The following ANKDD1B variants were observed in gnomAD, a reference collection of about 807,000 sequenced individuals.
The protein encoded by ANKDD1B is ankyrin repeat and death domain containing 1B, also known as ankyrin repeat and death domain-containing protein 1B.
A neutral mutation model predicts 59.7 loss-of-function variants in ANKDD1B; 57 were observed. The ratio of observed to expected loss-of-function variants is 0.95; its 90% CI spans 0.77 to 1.19. The LOEUF is 1.19. Among genes scored for constraint, ANKDD1B ranks in the 50% most tolerant of loss-of-function variants. The pLI is 0.00. For synonymous variants in ANKDD1B, 216 were observed against 239.5 expected (o/e 0.90, Z 0.91); for missense variants, 602 against 641.9 (o/e 0.94, Z 0.67).
rs1043760593 is a variant in ANKDD1B, at chr5:75,666,708, A to G, written c.1192-84A>G. 57 of 997,366 alleles carry G rather than the reference A, an allele frequency of 5.7e-5. No homozygotes were observed. In the Admixed American group the frequency reaches 9.5e-4, roughly 17 times the overall value. 61.8% of individuals were successfully genotyped at this position (997,366 alleles called of 1,614,324 possible). On this transcript the variant is annotated intron_variant, in intron 11 of 13. Transcript: ENST00000601380. ...AGTCTCGGTTACCACCTTACTAGTT[A>G]TGTTTGAAAAACATATATACTCTGA...
At chr5:75,631,800 T>C (rs1157933541) in intron 5 of ANKDD1B, among the ~76,000 whole-genome samples, 1 of 152,120 alleles carries the variant, frequency 6.6e-6, no homozygotes, top group Non-Finnish European at 1.5e-5. Flanking sequence ...AATGTTTAGT[T>C]GAACCTTAAA....
chr5:75,664,796 A>C (rs1003120568), intron 11 of ANKDD1B, among the ~76,000 whole-genome samples: 1 of 152,232 alleles, frequency 6.6e-6, no homozygotes, highest in African/African-American at 2.4e-5. Flanking sequence ...CATATATAAA[A>C]CATGAATATA....
intron 11 of ANKDD1B, among the ~76,000 whole-genome samples, chr5:75,665,624 C>T (rs1377760508): frequency 3.3e-5 from 5 of 152,310 alleles, no homozygotes; most frequent in South Asian, 2.1e-4. Flanking sequence ...GTAATTCACA[C>T]CTCCCATTCC....
At chr5:75,620,877 C>G (rs950465438) in intron 3 of ANKDD1B, among the ~76,000 whole-genome samples, 2 of 152,212 alleles carry the variant, frequency 1.3e-5, no homozygotes, top group African/African-American at 4.8e-5. Flanking sequence ...ATCAGCTCCC[C>G]TACATTTTCT....
At chr5:75,650,883 G>T (rs568088474) in intron 7 of ANKDD1B, among the ~76,000 whole-genome samples, 10 of 152,198 alleles carry the variant, frequency 6.6e-5, no homozygotes, top group Non-Finnish European at 1.5e-4. Context: ...TTGGAAGTCA[G>T]CCAGGATTTT....
chr5:75,637,035 T>C (rs1167099569), intron 7 of ANKDD1B, among the ~76,000 whole-genome samples: 1 of 150,930 alleles, frequency 6.6e-6, no homozygotes, highest in Admixed American at 6.6e-5. Flanking sequence ...TCATCTGAGG[T>C]CAGGAGTTTG....
Position 75,671,676 on chromosome 5 carries a change from A to G in ANKDD1B, c.*636A>G, listed in dbSNP as rs1775489434. The G allele has an allele frequency of 6.6e-6, 1 of 150,606 alleles. No individual in the cohort carries two copies. Among genetic ancestry groups the G allele is most frequent in the African/African-American group, 2.5e-5 (1 of 40,494 alleles). 9.3% of individuals were successfully genotyped at this position (150,606 alleles called of 1,614,324 possible). A position where few individuals can be genotyped will look rare whatever the true frequency, so the allele number is the denominator to read the frequency against. ...ATTTTGTGTAATATATTACTTAGGAAAGACCAGAAGTATGTACACCATTTT... is the reference window on the plus strand; with the variant it reads ...ATTTTGTGTAATATATTACTTAGGAGAGACCAGAAGTATGTACACCATTTT... On this transcript the variant is annotated 3_prime_UTR_variant, in exon 14 of 14. Transcript: ENST00000601380.
chr5:75,613,159 G>A (rs1046231184), intron 1 of ANKDD1B, among the ~76,000 whole-genome samples: 8 of 152,148 alleles, frequency 5.3e-5, no homozygotes, highest in Non-Finnish European at 7.3e-5. Context: ...GATTAGCATG[G>A]GTTGAGACAA....
At chr5:75,640,763 G>C (rs901200328) in intron 7 of ANKDD1B, among the ~76,000 whole-genome samples, 2 of 152,134 alleles carry the variant, frequency 1.3e-5, no homozygotes, top group Admixed American at 6.5e-5. Flanking sequence ...ATGTTCTTTG[G>C]AAACACTGGT....
At chr5:75,617,944 T>G (rs914564775) in intron 2 of ANKDD1B, among the ~76,000 whole-genome samples, 2 of 151,788 alleles carry the variant, frequency 1.3e-5, no homozygotes, top group African/African-American at 4.8e-5. Context: ...AGGGGGGTGG[T>G]GTGGCTTTGT....
At chr5:75,657,963 A>G (rs1775018103) in intron 9 of ANKDD1B, among the ~76,000 whole-genome samples, 1 of 151,806 alleles carries the variant, frequency 6.6e-6, no homozygotes, top group African/African-American at 2.4e-5. Flanking sequence ...TGTAATCCCA[A>G]CACTTTGGGT....
At chr5:75,656,177 A>C in intron 9 of ANKDD1B, 50 bp downstream of exon 9, 1 of 897,140 alleles carries the variant, frequency 1.1e-6, no homozygotes, top group Non-Finnish European at 1.7e-6. Flanking sequence ...TAGTTTCAAC[A>C]CAGTGTGTGT....
At chr5:75,655,904 C>T (rs1242116678) in intron 8 of ANKDD1B, 125 bp from the exon 9 acceptor site, 5 of 576,510 alleles carry the variant, frequency 8.7e-6, no homozygotes, top group South Asian at 6.4e-5. Context: ...TAAGGGTCAC[C>T]ACTGGGATGG....
intron 13 of ANKDD1B, among the ~76,000 whole-genome samples, chr5:75,670,481 G>A (rs770495493): frequency 3.3e-5 from 5 of 152,074 alleles, no homozygotes; most frequent in African/African-American, 4.8e-5. Flanking sequence ...TTGATGATTC[G>A]GATGATTCAG....
At chr5:75,638,209 T>C (rs1180435254) in intron 7 of ANKDD1B, among the ~76,000 whole-genome samples, 3 of 152,220 alleles carry the variant, frequency 2.0e-5, no homozygotes, top group Non-Finnish European at 1.5e-5. Context: ...CACTGGAATA[T>C]GTGCATGCAT....
At chr5:75,618,937 G>A (rs1199965346) in intron 2 of ANKDD1B, among the ~76,000 whole-genome samples, 1 of 152,132 alleles carries the variant, frequency 6.6e-6, no homozygotes, top group Non-Finnish European at 1.5e-5. Context: ...GTAGTTACAG[G>A]GTTTCACCAT....
In ANKDD1B at chr5:75,664,729, T is replaced by C. The variant is rs183949782; in HGVS notation, c.1191+1240T>C. ...ATAAATTACTTTCCCACCAAATGAATATGCCCTCTTTCCTAATGAATCTTT... is the reference window on the plus strand; with the variant it reads ...ATAAATTACTTTCCCACCAAATGAACATGCCCTCTTTCCTAATGAATCTTT... On this transcript the variant is annotated intron_variant, in intron 11 of 13. Coordinates refer to ENST00000601380, the MANE Select transcript of ANKDD1B (RefSeq NM_001276713.2). Among the ~76,000 whole-genome samples, 156 of 152,326 alleles carry C rather than the reference T, an allele frequency of 1.0e-3. 1 individual carries two copies. Among genetic ancestry groups the C allele is most frequent in the Non-Finnish European group, 1.6e-3 (110 of 68,036 alleles).
At chr5:75,636,665 AG>A (rs1389850468) in intron 7 of ANKDD1B, among the ~76,000 whole-genome samples, 1 of 152,226 alleles carries the variant, frequency 6.6e-6, no homozygotes, top group Non-Finnish European at 1.5e-5. Context: ...GGGGAGGACC[AG>A]TCAGGTGACT....
intron 5 of ANKDD1B, 158 bp from the exon 6 acceptor site, chr5:75,634,740 C>T (rs1007824291): frequency 3.6e-6 from 2 of 556,526 alleles, no homozygotes; most frequent in African/African-American, 1.9e-5. Context: ...AAACCCAGAA[C>T]CTGATCTGAT....
Sources: gnomAD v4.1 joint callset for allele counts (sites outside exome capture counted in the v4.1 genomes callset) on GRCh38, gnomAD v4.1.1 for gene constraint, MANE v1.5 for transcripts, NCBI Gene and HGNC (gene_info 2026-07-23, HGNC 2026-07-21) for gene names.